The following CDKN1A variants were observed in gnomAD, a reference collection of about 807,000 sequenced individuals.
CDKN1A encodes cyclin dependent kinase inhibitor 1A.
Under a neutral mutation model 14.8 loss-of-function variants are expected in CDKN1A, and 14 were observed. That is an observed-to-expected ratio of 0.94 (90% confidence interval 0.62 to 1.48). The LOEUF is 1.48. CDKN1A is among the 40% of genes most tolerant of loss of function. The probability of loss-of-function intolerance (pLI) is 0.00; values close to 1 mark genes in which losing one functional copy is unlikely to be tolerated. For missense variants in CDKN1A, 203 were observed against 231.7 expected, an observed-to-expected ratio of 0.88 and a Z score of 0.80; for synonymous variants, 92 against 93.5, an observed-to-expected ratio of 0.98 and a Z score of 0.09.
intron 1 of CDKN1A, chr6:36,680,574 A>T (rs1428209600): frequency 1.3e-5 from 2 of 151,984 alleles, no homozygotes; most frequent in Non-Finnish European, 1.5e-5. Context: ...GGCTCTGCCC[A>T]CGCACCTCCC....
rs1762203708 is a variant in CDKN1A, at chr6:36,686,322, C to T, written c.*522C>T. Reference sequence around the variant, plus strand: ...GCATCATCAAAAACTTTGGAGTCCCCTCACCTCCTCTAAGGTTGGGCAGGG... The same window carrying T: ...GCATCATCAAAAACTTTGGAGTCCCTTCACCTCCTCTAAGGTTGGGCAGGG... On this transcript the variant is annotated 3_prime_UTR_variant, in exon 3 of 3. Transcript: ENST00000244741. The surrounding 1 kb of genome is among the most constrained non-coding windows in gnomAD (Gnocchi z 4.9). 1.0e-5 allele frequency: 3 copies of T among 290,448 alleles called. No homozygotes were observed. The highest frequency in any genetic ancestry group is 6.5e-5 in the African/African-American group (3 of 46,162). The allele number at this position is 290,448 out of a possible 1,614,324, so 18.0% of individuals were successfully genotyped here.
intron 1 of CDKN1A, among the ~76,000 whole-genome samples, chr6:36,681,585 A>ATTTTTTT (rs908259380): frequency 1.8e-4 from 12 of 67,448 alleles, no homozygotes; most frequent in South Asian, 6.8e-4. Flanking sequence ...CCATGCCCAG[A>ATTTTTTT]TTTTTTTTTT....
chr6:36,685,119 C>T (rs988734368), intron 2 of CDKN1A, among the ~76,000 whole-genome samples: 8 of 152,348 alleles, frequency 5.3e-5, no homozygotes, highest in Non-Finnish European at 7.3e-5. Context: ...TGATTACAGG[C>T]GTGAGCCACC....
upstream of CDKN1A, chr6:36,678,637 G>A (rs1373918562): frequency 2.0e-6 from 2 of 983,916 alleles, no homozygotes; most frequent in East Asian, 1.1e-4. The surrounding 1 kb of genome is among the most constrained non-coding windows in gnomAD (Gnocchi z 5.7). Context: ...GCGGTGGGCC[G>A]AGCGCGGGTC....
In CDKN1A at chr6:36,684,182, C is replaced by A. The variant is rs762818650; in HGVS notation, c.81C>A (p.Ser27Arg). The A allele has an allele frequency of 1.2e-6, 2 of 1,611,852 alleles. No homozygotes were observed. Among genetic ancestry groups the A allele is most frequent in the African/African-American group, 1.3e-5 (1 of 74,938 alleles). ...ACRRLFGPVD[S>R]EQLSRDCDAL... ...GCCGCCTCTTCGGCCCAGTGGACAG[C>A]GAGCAGCTGAGCCGCGACTGTGATG... is the stretch of plus-strand genomic sequence containing the variant. Residue 27 changes from serine (S) to arginine (R), a missense_variant, in exon 2 of 3, where the codon AGC becomes AGA. Transcript: ENST00000244741. This position sits in a 1 kb window ranked among gnomAD's most constrained non-coding sequence, Gnocchi z 6.0.
rs1762117956 is a variant in CDKN1A at position 36,684,264 on chromosome 6, A to G, written c.163A>G (p.Thr55Ala). 1 of 1,612,908 alleles carries G rather than the reference A, an allele frequency of 6.2e-7. No homozygotes were observed. Residue 55 changes from threonine (T) to alanine (A), a missense_variant, in exon 2 of 3, where the codon ACC becomes GCC. Transcript: ENST00000244741. The surrounding 1 kb of genome is among the most constrained non-coding windows in gnomAD (Gnocchi z 6.0). ...TGAGCGATGGAACTTCGACTTTGTCACCGAGACACCACTGGAGGGTGACTT... is the reference window on the plus strand; with the variant it reads ...TGAGCGATGGAACTTCGACTTTGTCGCCGAGACACCACTGGAGGGTGACTT... ...ARERWNFDFVTETPLEGDFAW... is the reference protein window; with the variant it reads ...ARERWNFDFVAETPLEGDFAW...
chr6:36,681,265 T>TCTCTTTCC (rs1761935348), intron 1 of CDKN1A, among the ~76,000 whole-genome samples: 1 of 64,246 alleles, frequency 1.6e-5, no homozygotes, highest in Admixed American at 1.7e-4. Flanking sequence ...CCTAGGTGCT[T>TCTCTTTCC]TTCTTTCTTT....
chr6:36,682,334 A>G lies in CDKN1A; in HGVS notation c.-5-1763A>G, dbSNP rs758180013. Among the ~76,000 whole-genome samples the G allele has an allele frequency of 3.0e-4, 45 of 152,234 alleles. 1 individual carries two copies. Among genetic ancestry groups the G allele is most frequent in the Admixed American group, 9.8e-4 (15 of 15,288 alleles). On this transcript the variant is annotated intron_variant, in intron 1 of 2. Transcript: ENST00000244741. ...AAAATATATAAATAAATCCCAACTC[A>G]TGCCTAGCAGAGGGTGGATAGAGGT...
At chr6:36,678,629 G>A (rs755932372), upstream of CDKN1A, 2 of 983,020 alleles carry the variant, frequency 2.0e-6, no homozygotes, top group Non-Finnish European at 2.4e-6. The surrounding 1 kb of genome is among the most constrained non-coding windows in gnomAD (Gnocchi z 5.7). Context: ...CGGGCGGCGC[G>A]GTGGGCCGAG....
At position 36,687,259 on chromosome 6, in the gene CDKN1A, C is replaced by G. The variant is rs1385906506; in HGVS notation, c.*1459C>G. ...GGCAGGGACCACACCCTGTACTGTTCTGTGTCTTTCACAGCTCCTCCCACA... is the reference window on the plus strand; with the variant it reads ...GGCAGGGACCACACCCTGTACTGTTGTGTGTCTTTCACAGCTCCTCCCACA... On this transcript the variant is annotated 3_prime_UTR_variant, in exon 3 of 3. Transcript: ENST00000244741. 5 of 232,964 alleles carry G rather than the reference C, an allele frequency of 2.1e-5. No individual in the cohort carries two copies. Among genetic ancestry groups the G allele is most frequent in the African/African-American group, 6.6e-5 (3 of 45,312 alleles). The allele number at this position is 232,964 out of a possible 1,614,324, so 14.4% of individuals were successfully genotyped here.
chr6:36,682,968 C>T (rs781021005), intron 1 of CDKN1A, among the ~76,000 whole-genome samples: 3 of 152,204 alleles, frequency 2.0e-5, no homozygotes, highest in Non-Finnish European at 4.4e-5. Flanking sequence ...CTGCCCCGCC[C>T]GGCCCCTCCT....
At chr6:36,679,643 C>G (rs1427837023) in intron 1 of CDKN1A, among the ~76,000 whole-genome samples, 1 of 152,236 alleles carries the variant, frequency 6.6e-6, no homozygotes, top group Non-Finnish European at 1.5e-5. Context: ...GTCGGGTCCC[C>G]GCTCCGCGGC....
intron 1 of CDKN1A, among the ~76,000 whole-genome samples, chr6:36,681,296 C>CTTTA: frequency 8.4e-6 from 1 of 118,416 alleles, no homozygotes; most frequent in East Asian, 2.2e-4. Flanking sequence ...TTCTTTCTTT[C>CTTTA]TTTCTTTCTT....
rs1562037868 is a variant in CDKN1A, at chr6:36,681,265, T to TTTCTTTCTCTCTTTCTTTCC, written c.-6+2475_-6+2476insCTCTTTCTTTCCTTCTTTCT. ...ATTTTGAAAAAACTCCCTAGGTGCT[T>TTTCTTTCTCTCTTTCTTTCC]TTCTTTCTTTCTTTTTTTCTTTCTT... On this transcript the variant is annotated intron_variant, in intron 1 of 2. Coordinates refer to ENST00000244741, the MANE Select transcript of CDKN1A (RefSeq NM_000389.5). Among the ~76,000 whole-genome samples the TTTCTTTCTCTCTTTCTTTCC allele has an allele frequency of 4.2e-3, 271 of 64,270 alleles. 11 individuals carry two copies. The highest frequency in any genetic ancestry group is 8.7e-3 in the South Asian group (15 of 1,716). 42.2% of individuals were successfully genotyped at this position (64,270 alleles called of 152,430 possible).
intron 2 of CDKN1A, 144 bp from the exon 3 acceptor site, chr6:36,685,607 T>G: frequency 1.2e-6 from 1 of 811,826 alleles, no homozygotes; most frequent in African/African-American, 1.7e-5. Context: ...AGAGTGGACG[T>G]TCCCCGAGTT....
At position 36,686,908 on chromosome 6, in the gene CDKN1A, A is replaced by T; in HGVS notation, c.*1108A>T. On this transcript the variant is annotated 3_prime_UTR_variant, in exon 3 of 3. Coordinates refer to ENST00000244741, the MANE Select transcript of CDKN1A (RefSeq NM_000389.5). The surrounding 1 kb of genome is among the most constrained non-coding windows in gnomAD (Gnocchi z 4.9). ...GAGACACTGGCCCCTCAAATCGTCCAGCGACCTTCCTCATCCACCCCATCC... is the reference window on the plus strand; with the variant it reads ...GAGACACTGGCCCCTCAAATCGTCCTGCGACCTTCCTCATCCACCCCATCC... 8.6e-6 allele frequency: 2 copies of T among 233,802 alleles called. No individual in the cohort carries two copies. The highest frequency in any genetic ancestry group is 1.7e-5 in the Non-Finnish European group (2 of 118,116). The allele number at this position is 233,802 out of a possible 1,614,324, so 14.5% of individuals were successfully genotyped here. A position where few individuals can be genotyped will look rare whatever the true frequency, so the allele number is the denominator to read the frequency against.
At chr6:36,681,272 CTTT>C (rs1562037916) in intron 1 of CDKN1A, among the ~76,000 whole-genome samples, 38 of 89,840 alleles carry the variant, frequency 4.2e-4, no homozygotes, top group Admixed American at 1.3e-3. Context: ...GCTTTTCTTT[CTTT>C]CTTTTTTTCT....
Position 36,684,502 on chromosome 6 carries a change from C to T in CDKN1A, c.401C>T (p.Pro134Leu), listed in dbSNP as rs369108178. 4.3e-6 allele frequency: 7 copies of T among 1,614,096 alleles called. No individual in the cohort carries two copies. In the African/African-American group the frequency reaches 6.7e-5, roughly 15 times the overall value. The change falls in exon 2 of 3, where the codon CCT becomes CTT. Residue 134 changes from proline (P) to leucine (L), a missense_variant. Pro to Leu is a moderately conservative substitution (Grantham distance 98). Coordinates refer to ENST00000244741, the MANE Select transcript of CDKN1A (RefSeq NM_000389.5). The surrounding 1 kb of genome is among the most constrained non-coding windows in gnomAD (Gnocchi z 6.0). ...GEQAEGSPGGPGDSQGRKRRQ... is the reference protein window; with the variant it reads ...GEQAEGSPGGLGDSQGRKRRQ... ...CAGGCTGAAGGGTCCCCAGGTGGAC[C>T]TGGAGACTCTCAGGGTCGAAAACGG...
chr6:36,684,110 A>G lies in CDKN1A; in HGVS notation c.9A>G (p.Glu3=). Reference sequence around the variant, plus strand: ...TCTCTGCTGCAGGCGCCATGTCAGAACCGGCTGGGGATGTCCGTCAGAACC... The same window carrying G: ...TCTCTGCTGCAGGCGCCATGTCAGAGCCGGCTGGGGATGTCCGTCAGAACC... The part of the protein sequence containing the change: MS[E]PAGDVRQNPC... Residue 3 remains glutamate, a synonymous_variant, in exon 2 of 3, where the codon GAA becomes GAG. Coordinates refer to ENST00000244741, the MANE Select transcript of CDKN1A (RefSeq NM_000389.5). The surrounding 1 kb of genome is among the most constrained non-coding windows in gnomAD (Gnocchi z 6.0). 1 of 1,613,480 alleles carries G rather than the reference A, an allele frequency of 6.2e-7. No homozygotes were observed. Among genetic ancestry groups the G allele is most frequent in the Non-Finnish European group, 8.5e-7 (1 of 1,179,984 alleles).
Sources: gnomAD v4.1 joint callset for allele counts (sites outside exome capture counted in the v4.1 genomes callset) on GRCh38, gnomAD v4.1.1 for gene constraint, Gnocchi (gnomAD v3.1) non-coding constraint, MANE v1.5 for transcripts, NCBI Gene and HGNC (gene_info 2026-07-23, HGNC 2026-07-21) for gene names.